ZNF331: variants seen among roughly 807,000 people sequenced by gnomAD.
ZNF331 encodes C2H2-like zinc finger protein rearranged in thyroid adenomas.
ZNF331 carries 2 observed loss-of-function variants against 7.0 expected under a neutral mutation model. The ratio of observed to expected loss-of-function variants is 0.29; its 90% CI spans 0.12 to 0.90. The LOEUF (loss-of-function observed/expected upper bound fraction) is 0.90. Among genes scored for constraint, ZNF331 ranks in the 40% least tolerant of loss-of-function variants. The pLI is 0.58. For synonymous variants in ZNF331, 196 were observed against 205.4 expected (o/e 0.95, Z 0.39); for missense variants, 432 against 587.7 (o/e 0.74, Z 2.74).
chr19:53,541,246 C>T (rs2088156783), intron 2 of ZNF331, among the ~76,000 whole-genome samples: 1 of 151,644 alleles, frequency 6.6e-6, no homozygotes, highest in African/African-American at 2.4e-5. Context: ...GCTTGGATTA[C>T]AGGCATGCGC....
chr19:53,528,727 A>G (rs1031502897), intron 2 of ZNF331, among the ~76,000 whole-genome samples: 4 of 152,046 alleles, frequency 2.6e-5, no homozygotes, highest in African/African-American at 9.7e-5. Flanking sequence ...TAGTAAATGT[A>G]TTTTATGTCA....
the ZNF331 span, among the ~76,000 whole-genome samples, chr19:53,513,519 C>T: frequency 6.6e-6 from 1 of 152,066 alleles, no homozygotes; most frequent in South Asian, 2.1e-4. Flanking sequence ...TTTTTTTCCT[C>T]CGCATCCTCA....
chr19:53,544,358 A>G (rs1281073165), intron 2 of ZNF331, among the ~76,000 whole-genome samples: 2 of 150,744 alleles, frequency 1.3e-5, no homozygotes, highest in East Asian at 2.0e-4. Context: ...ATCCTGGCTA[A>G]CACGGTGAAA....
chr19:53,578,938 T>C lies in ZNF331; in HGVS notation c.*986T>C, dbSNP rs566503216. The C allele has an allele frequency of 4.1e-4, 74 of 179,986 alleles. No individual in the cohort carries two copies. Among genetic ancestry groups the C allele is most frequent in the African/African-American group, 1.6e-3 (67 of 42,454 alleles). The allele number at this position is 179,986 out of a possible 1,614,324, so 11.1% of individuals were successfully genotyped here. A position where few individuals can be genotyped will look rare whatever the true frequency, so the allele number is the denominator to read the frequency against. ...GCCTCAGCCTCCCCAGTAGCTGGGA[T>C]TACAGACATGCACCACCACACCTGG... On this transcript the variant is annotated 3_prime_UTR_variant, in exon 6 of 6. Coordinates refer to ENST00000449416, the MANE Select transcript of ZNF331 (RefSeq NM_001079906.2).
the ZNF331 span, among the ~76,000 whole-genome samples, chr19:53,507,713 T>C: frequency 6.6e-6 from 1 of 152,112 alleles, no homozygotes; most frequent in Non-Finnish European, 1.5e-5. Flanking sequence ...ACGGTCAGAC[T>C]TGGGGCCAGG....
chr19:53,508,099 T>C, the ZNF331 span, among the ~76,000 whole-genome samples: 1 of 152,070 alleles, frequency 6.6e-6, no homozygotes, highest in Non-Finnish European at 1.5e-5. Context: ...GATTTAGGAG[T>C]CCATGGTAAA....
intron 4 of ZNF331, among the ~76,000 whole-genome samples, chr19:53,570,976 A>G (rs2090420183): frequency 2.0e-5 from 3 of 150,736 alleles, no homozygotes; most frequent in African/African-American, 7.3e-5. Flanking sequence ...CTCCTGCCTC[A>G]GCCTCCCGAG....
intron 2 of ZNF331, among the ~76,000 whole-genome samples, chr19:53,525,476 C>G (rs1293442811): frequency 6.6e-6 from 1 of 152,050 alleles, no homozygotes; most frequent in Non-Finnish European, 1.5e-5. Context: ...CTTCACATCC[C>G]TTGTAAATTG....
chr19:53,507,975 A>C, the ZNF331 span, among the ~76,000 whole-genome samples: 1 of 152,200 alleles, frequency 6.6e-6, no homozygotes, highest in Non-Finnish European at 1.5e-5. Flanking sequence ...CACTGCCCAC[A>C]TTCTAGCTGT....
intron 3 of ZNF331, among the ~76,000 whole-genome samples, chr19:53,559,999 C>G (rs575961407): frequency 6.6e-6 from 1 of 151,064 alleles, no homozygotes; most frequent in Non-Finnish European, 1.5e-5. Flanking sequence ...CATATATACA[C>G]ACACATATAC....
Position 53,573,205 on chromosome 19 carries a change from C to T in ZNF331, c.136+1475C>T, listed in dbSNP as rs1051959603. ...CTGTGCTGCAGCCTGGGCAACAAAG[C>T]GAGACTCTGTCTCAAAAATAATAAA... is the stretch of plus-strand genomic sequence containing the variant. On this transcript the variant is annotated intron_variant, in intron 5 of 5. Coordinates refer to ENST00000449416, the MANE Select transcript of ZNF331 (RefSeq NM_001079906.2). The surrounding 1 kb of genome is among the most constrained non-coding windows in gnomAD (Gnocchi z 4.2). Among the ~76,000 whole-genome samples the T allele has an allele frequency of 1.3e-5, 2 of 151,836 alleles. No individual in the cohort carries two copies. The highest frequency in any genetic ancestry group is 2.9e-5 in the Non-Finnish European group (2 of 67,966).
chr19:53,508,046 A>G, the ZNF331 span, among the ~76,000 whole-genome samples: 3 of 152,192 alleles, frequency 2.0e-5, no homozygotes, highest in African/African-American at 4.8e-5. Context: ...TGAGGCTGCA[A>G]ACTGGAAACA....
At chr19:53,503,576 G>A in the ZNF331 span, 3 of 735,308 alleles carry the variant, frequency 4.1e-6, no homozygotes, top group African/African-American at 3.4e-5. Flanking sequence ...CCCTAGAGGA[G>A]TCCCACAGAC....
upstream of ZNF331, among the ~76,000 whole-genome samples, chr19:53,520,425 T>G (rs1284518): frequency 0.67 from 101,805 of 152,026 alleles, 35,089 homozygotes; most frequent in African/African-American, 0.84. Flanking sequence ...TAAGCAATTA[T>G]AACTGTAGGC....
intron 2 of ZNF331, 193 bp from the exon 3 acceptor site, chr19:53,555,652 G>A (rs939900966): frequency 6.6e-6 from 1 of 152,218 alleles, no homozygotes; most frequent in African/African-American, 2.4e-5. Flanking sequence ...GGCCTCAGGA[G>A]TAGAATTCCT....
At chr19:53,561,462 A>G (rs1009348405) in intron 3 of ZNF331, among the ~76,000 whole-genome samples, 6 of 151,950 alleles carry the variant, frequency 3.9e-5, no homozygotes, top group African/African-American at 1.5e-4. Context: ...TAATGTTTCT[A>G]GTCCTCCTCT....
chr19:53,544,056 A>G (rs188414507), intron 2 of ZNF331, among the ~76,000 whole-genome samples: 69 of 151,478 alleles, frequency 4.6e-4, no homozygotes, highest in East Asian at 2.3e-3. Context: ...GTGAAATCCC[A>G]TCTCTACTAA....
chr19:53,515,160 C>T (rs1173220421), upstream of ZNF331, among the ~76,000 whole-genome samples: 1 of 152,116 alleles, frequency 6.6e-6, no homozygotes, highest in Non-Finnish European at 1.5e-5. Context: ...TCTGATTACA[C>T]TAGAAATTTA....
chr19:53,578,015 T>G lies in ZNF331; in HGVS notation c.*63T>G. 2 of 1,478,128 alleles carry G rather than the reference T, an allele frequency of 1.4e-6. No individual in the cohort carries two copies. Among genetic ancestry groups the G allele is most frequent in the Non-Finnish European group, 1.8e-6 (2 of 1,105,450 alleles). The allele number at this position is 1,478,128 out of a possible 1,614,324, so 91.6% of individuals were successfully genotyped here. ...GTTTCGCTTTCCACAGTTTGTTACC[T>G]GCAGTCAACTGCAGTTCAAAAATAT... On this transcript the variant is annotated 3_prime_UTR_variant, in exon 6 of 6. Transcript: ENST00000449416.
Sources: gnomAD v4.1 joint callset for allele counts (sites outside exome capture counted in the v4.1 genomes callset) on GRCh38, gnomAD v4.1.1 for gene constraint, Gnocchi (gnomAD v3.1) non-coding constraint, MANE v1.5 for transcripts, NCBI Gene and HGNC (gene_info 2026-07-23, HGNC 2026-07-21) for gene names.